Variants in MTR observed in about 807,000 individuals in gnomAD.
The protein encoded by MTR is 5-methyltetrahydrofolate-homocysteine methyltransferase, also known as methionine synthase.
MTR carries 84 observed loss-of-function variants against 154.8 expected under a neutral mutation model. The ratio of observed to expected loss-of-function variants is 0.54; its 90% confidence interval spans 0.45 to 0.65. The LOEUF is 0.65. Among genes scored for constraint, MTR ranks in the 30% least tolerant of loss-of-function variants. The pLI, the probability that MTR is intolerant of heterozygous loss-of-function variation, is 0.00. For synonymous variants in MTR, 554 were observed against 553.9 expected, an observed-to-expected ratio of 1.00 and a Z score of 0.00; for missense variants, 1,275 against 1,570.2, an observed-to-expected ratio of 0.81 and a Z score of 3.18.
intron 7 of MTR, among the ~76,000 whole-genome samples, 181 bp from the exon 8 acceptor site, chr1:236,816,268 T>C (rs1012917010): frequency 6.6e-6 from 1 of 152,202 alleles, no homozygotes; most frequent in African/African-American, 2.4e-5. Flanking sequence ...CCTCTTTCCC[T>C]AGTCTCTTGG....
At chr1:236,868,271 T>C (rs1269751648) in intron 22 of MTR, among the ~76,000 whole-genome samples, 1 of 152,196 alleles carries the variant, frequency 6.6e-6, no homozygotes, top group African/African-American at 2.4e-5. Flanking sequence ...AGATGATCAT[T>C]AGCATTTTTT....
rs1263238797 is a variant in MTR at position 236,842,815 on chromosome 1, G to A, written c.1515+4216G>A. The stretch of plus-strand genomic sequence containing the variant: ...ATATATATATAATTGGCCAGGTGCA[G>A]TGGCTCACACCTGTAATCCCAACAC... On this transcript the variant is annotated intron_variant, in intron 15 of 32. Coordinates refer to ENST00000366577, the MANE Select transcript of MTR (RefSeq NM_000254.3). 7.4e-5 allele frequency among the ~76,000 whole-genome samples: 11 copies of A among 148,818 alleles called. No homozygotes were observed. In the East Asian group the frequency reaches 2.2e-3, roughly 30 times the overall value.
In MTR at chr1:236,855,003, T is replaced by G. The variant is rs559973584; in HGVS notation, c.1953+1915T>G. Among the ~76,000 whole-genome samples, 32 of 152,322 alleles carry G rather than the reference T, an allele frequency of 2.1e-4. 1 individual carries two copies. In the Middle Eastern group the frequency reaches 0.017, roughly 81 times the overall value. On this transcript the variant is annotated intron_variant, in intron 18 of 32. Transcript: ENST00000366577. Reference sequence around the variant, plus strand: ...TGACCTCTCTGTCAGGGAGACTGTCTGCCTTCAAGGTGACTTCCGTTGCCA... The same window carrying G: ...TGACCTCTCTGTCAGGGAGACTGTCGGCCTTCAAGGTGACTTCCGTTGCCA...
intron 22 of MTR, among the ~76,000 whole-genome samples, chr1:236,864,423 G>A (rs1350282645): frequency 3.3e-5 from 5 of 152,074 alleles, no homozygotes; most frequent in South Asian, 2.1e-4. Context: ...CATTAAATGC[G>A]GCTAAGAACC....
intron 6 of MTR, among the ~76,000 whole-genome samples, 186 bp from the exon 7 acceptor site, chr1:236,815,418 C>T (rs1194664927): frequency 6.6e-6 from 1 of 152,168 alleles, no homozygotes; most frequent in Non-Finnish European, 1.5e-5. Flanking sequence ...TTTCAATATG[C>T]ACAGTATTAC....
chr1:236,883,941 G>C (rs1159141551), intron 25 of MTR, among the ~76,000 whole-genome samples: 1 of 152,158 alleles, frequency 6.6e-6, no homozygotes, highest in Non-Finnish European at 1.5e-5. Flanking sequence ...CAGGGATGGG[G>C]CAGTGCTATG....
chr1:236,795,338 A>G lies in MTR; in HGVS notation c.-366A>G, dbSNP rs866689036. The G allele has an allele frequency of 3.8e-6, 5 of 1,311,462 alleles. No homozygotes were observed. The Middle Eastern group carries it at 8.2e-4, about 216-fold the overall frequency. 81.2% of individuals were successfully genotyped at this position (1,311,462 alleles called of 1,614,324 possible). On this transcript the variant is annotated 5_prime_UTR_variant, in exon 1 of 33. Coordinates refer to ENST00000366577, the MANE Select transcript of MTR (RefSeq NM_000254.3). ...GGTTCTAAATGTCTGCGGGGCTCAG[A>G]GCCGGATGTCACGTCGTCCTCCTCT...
At position 236,795,673 on chromosome 1, in the gene MTR, C is replaced by T. The variant is rs372056489; in HGVS notation, c.-31C>T. On this transcript the variant is annotated 5_prime_UTR_variant, in exon 1 of 33. Transcript: ENST00000366577. ...TGTGGAGAGCACGTCTTCTCTGCCG[C>T]GCCCTCTGCGCAAGGAGGAGACTCG... 1.2e-6 allele frequency: 2 copies of T among 1,613,656 alleles called. No homozygotes were observed. Among genetic ancestry groups the T allele is most frequent in the East Asian group, 2.2e-5 (1 of 44,890 alleles).
At chr1:236,890,796 A>T (rs1423343290) in intron 28 of MTR, among the ~76,000 whole-genome samples, 1 of 152,226 alleles carries the variant, frequency 6.6e-6, no homozygotes, top group Non-Finnish European at 1.5e-5. Context: ...GTGCACGAGG[A>T]ATGTCAGTGA....
intron 6 of MTR, among the ~76,000 whole-genome samples, chr1:236,813,759 T>G (rs897113369): frequency 3.9e-5 from 6 of 152,194 alleles, no homozygotes; most frequent in Non-Finnish European, 8.8e-5. Context: ...CAGGCCCCTC[T>G]CAATAATAAG....
At chr1:236,827,000 T>C (rs1662326599) in intron 11 of MTR, 104 bp downstream of exon 11, 1 of 1,088,812 alleles carries the variant, frequency 9.2e-7, no homozygotes. Context: ...CTTCCAAAAT[T>C]TGTATGTTGA....
chr1:236,862,195 G>C (rs1664583430), intron 20 of MTR, 41 bp from the exon 21 acceptor site: 1 of 1,544,380 alleles, frequency 6.5e-7, no homozygotes. Flanking sequence ...AGTTGTTCCT[G>C]TGGTTTGGGA....
chr1:236,897,310 G>GCGCACGCGCACACACACA, intron 32 of MTR, among the ~76,000 whole-genome samples, 192 bp downstream of exon 32: 1 of 128,614 alleles, frequency 7.8e-6, no homozygotes, highest in East Asian at 2.3e-4. Context: ...CCACACACAC[G>GCGCACGCGCACACACACA]CACACACACA....
chr1:236,883,260 A>G (rs1463435583), intron 25 of MTR, among the ~76,000 whole-genome samples: 1 of 152,192 alleles, frequency 6.6e-6, no homozygotes, highest in Admixed American at 6.5e-5. Flanking sequence ...CACATGATGG[A>G]TTTGATTTTT....
At chr1:236,850,847 A>G (rs1663858035) in intron 16 of MTR, among the ~76,000 whole-genome samples, 2 of 152,162 alleles carry the variant, frequency 1.3e-5, no homozygotes, top group Non-Finnish European at 2.9e-5. Context: ...AAATGATGCA[A>G]AACAAAAAAA....
At chr1:236,816,934 C>T (rs1336580357) in intron 8 of MTR, among the ~76,000 whole-genome samples, 1 of 152,034 alleles carries the variant, frequency 6.6e-6, no homozygotes, top group Non-Finnish European at 1.5e-5. Context: ...TGGCAGTTGG[C>T]ATGGTGGTGT....
intron 30 of MTR, chr1:236,895,048 T>C (rs1041533644): frequency 9.4e-5 from 40 of 424,234 alleles, no homozygotes; most frequent in African/African-American, 7.8e-4. Context: ...TGGTCCCAGC[T>C]GCTCTTTCTG....
intron 15 of MTR, among the ~76,000 whole-genome samples, chr1:236,849,783 A>T (rs1240516453): frequency 6.6e-6 from 1 of 152,154 alleles, no homozygotes; most frequent in Non-Finnish European, 1.5e-5. Flanking sequence ...ATGACTTAAG[A>T]CACATGTTAG....
intron 9 of MTR, among the ~76,000 whole-genome samples, chr1:236,824,715 T>C (rs1662178615): frequency 6.6e-6 from 1 of 152,246 alleles, no homozygotes; most frequent in South Asian, 2.1e-4. Flanking sequence ...GTTAACCAGA[T>C]ATCCCTGTGA....
Sources: allele counts gnomAD v4.1 joint callset (sites outside exome capture counted in the v4.1 genomes callset), GRCh38; gene constraint gnomAD v4.1.1; transcripts MANE v1.5; gene names NCBI Gene and HGNC (gene_info 2026-07-23, HGNC 2026-07-21).